The following GRM7 variants were observed in gnomAD, a reference collection of about 807,000 sequenced individuals.
GRM7 encodes metabotropic glutamate receptor 7.
GRM7 carries 35 observed loss-of-function variants against 84.5 expected under a neutral mutation model. The observed-to-expected ratio is 0.41, with a 90% CI of 0.32 to 0.55. GRM7 has a LOEUF of 0.55. GRM7 is among the 20% of genes least tolerant of loss of function. The pLI, the probability that GRM7 is intolerant of heterozygous loss-of-function variation, is 0.19. For synonymous variants in GRM7, 487 were observed against 455.1 expected (o/e 1.07, Z -0.89); for missense variants, 1,003 against 1,194.6 (o/e 0.84, Z 2.36).
At chr3:6,895,208 C>G (rs570240926) in intron 1 of GRM7, among the ~76,000 whole-genome samples, 1 of 152,238 alleles carries the variant, frequency 6.6e-6, no homozygotes, top group African/African-American at 2.4e-5. Context: ...CCAAAGATTT[C>G]TATACCTTAT....
At chr3:6,964,457 TC>T (rs1693432165) in intron 1 of GRM7, among the ~76,000 whole-genome samples, 1 of 152,124 alleles carries the variant, frequency 6.6e-6, no homozygotes, top group Non-Finnish European at 1.5e-5. Context: ...GTCCGTAACA[TC>T]CCTCCTCTTC....
At position 7,373,036 on chromosome 3, in the gene GRM7, T is replaced by G. The variant is rs530172061; in HGVS notation, c.1034-41987T>G. 3.3e-5 allele frequency among the ~76,000 whole-genome samples: 5 copies of G among 152,302 alleles called. No homozygotes were observed. In the East Asian group the frequency reaches 9.7e-4, roughly 29 times the overall value. On this transcript the variant is annotated intron_variant, in intron 4 of 9. Coordinates refer to ENST00000357716, the MANE Select transcript of GRM7 (RefSeq NM_000844.4). ...CAGCATATTTGAAATCTTTTTGAAA[T>G]GTGGAATTATGATCCACTTATTGAA...
intron 7 of GRM7, among the ~76,000 whole-genome samples, chr3:7,490,598 AG>A (rs35216562): frequency 0.032 from 4,879 of 152,270 alleles, 109 homozygotes; most frequent in Non-Finnish European, 0.045. Context: ...GTATCCCCTT[AG>A]TGCCCCTCGA....
At chr3:7,492,584 G>A (rs1036470996) in intron 7 of GRM7, among the ~76,000 whole-genome samples, 1 of 151,956 alleles carries the variant, frequency 6.6e-6, no homozygotes, top group Non-Finnish European at 1.5e-5. Flanking sequence ...TGGTGATTTG[G>A]TATGTCTTTT....
intron 7 of GRM7, among the ~76,000 whole-genome samples, chr3:7,535,616 A>G (rs923952394): frequency 2.0e-5 from 3 of 152,214 alleles, no homozygotes; most frequent in Non-Finnish European, 2.9e-5. Flanking sequence ...CATATGCTCT[A>G]ATTTCCTTCC....
intron 4 of GRM7, among the ~76,000 whole-genome samples, chr3:7,409,639 C>T (rs1053378668): frequency 2.0e-5 from 3 of 151,994 alleles, no homozygotes; most frequent in African/African-American, 4.8e-5. Context: ...CCCGCTCTGT[C>T]GCCCAGGCTG....
At position 7,606,365 on chromosome 3, in the gene GRM7, T is replaced by G. The variant is rs530725187; in HGVS notation, c.2451+27008T>G. Among the ~76,000 whole-genome samples the G allele has an allele frequency of 1.5e-3, 229 of 152,300 alleles. 3 individuals are homozygous for G. The highest frequency in any genetic ancestry group is 0.014 in the Middle Eastern group (4 of 294). ...ACAGATGTCCTGAAAGCCTTATGGT[T>G]TTTTATACATTAAAAATCTGATTAG... On this transcript the variant is annotated intron_variant, in intron 8 of 9. Coordinates refer to ENST00000357716, the MANE Select transcript of GRM7 (RefSeq NM_000844.4).
At chr3:6,954,490 G>T (rs1692940429) in intron 1 of GRM7, among the ~76,000 whole-genome samples, 1 of 152,022 alleles carries the variant, frequency 6.6e-6, no homozygotes. Context: ...CTAAAATAAG[G>T]TCTGAACACC....
chr3:6,879,844 G>T (rs1695443503), intron 1 of GRM7, among the ~76,000 whole-genome samples: 1 of 152,140 alleles, frequency 6.6e-6, no homozygotes. Context: ...TTGTTTTTAT[G>T]TTAATTCAGC....
intron 1 of GRM7, among the ~76,000 whole-genome samples, chr3:7,065,040 G>GT (rs1024359637): frequency 1.3e-5 from 2 of 151,628 alleles, no homozygotes; most frequent in East Asian, 1.9e-4. Context: ...GGGATTGTTT[G>GT]TTTTTTTCTT....
chr3:6,956,815 A>C (rs935125151), intron 1 of GRM7, among the ~76,000 whole-genome samples: 3 of 152,208 alleles, frequency 2.0e-5, no homozygotes, highest in Non-Finnish European at 4.4e-5. Context: ...TACAATTTGA[A>C]GGGAGAGGCT....
intron 7 of GRM7, among the ~76,000 whole-genome samples, chr3:7,475,346 T>C (rs935543902): frequency 3.3e-5 from 5 of 152,224 alleles, no homozygotes; most frequent in African/African-American, 7.2e-5. Context: ...TGGGTATGCA[T>C]TGGAAAGGTA....
intron 2 of GRM7, among the ~76,000 whole-genome samples, chr3:7,279,629 C>T (rs548780644): frequency 6.6e-6 from 1 of 152,160 alleles, no homozygotes; most frequent in Non-Finnish European, 1.5e-5. Context: ...AGAGGCAAGA[C>T]ACCAAACAGC....
chr3:7,729,469 C>T (rs1048799948), intron 9 of GRM7, among the ~76,000 whole-genome samples: 4 of 152,262 alleles, frequency 2.6e-5, no homozygotes, highest in Middle Eastern at 3.4e-3. Context: ...GTGTTAGAGA[C>T]GCTTTTTACA....
At chr3:7,127,885 A>G (rs1051185069) in intron 1 of GRM7, among the ~76,000 whole-genome samples, 1 of 152,124 alleles carries the variant, frequency 6.6e-6, no homozygotes, top group African/African-American at 2.4e-5. Flanking sequence ...AAGCTTTTTA[A>G]TATGCTTAAT....
At chr3:7,625,630 T>C (rs1178322402) in intron 8 of GRM7, among the ~76,000 whole-genome samples, 1 of 152,100 alleles carries the variant, frequency 6.6e-6, no homozygotes, top group African/African-American at 2.4e-5. Flanking sequence ...GATGGTGCTA[T>C]TGCATTCCAG....
At chr3:7,324,738 A>G (rs1700918536) in intron 4 of GRM7, among the ~76,000 whole-genome samples, 1 of 151,854 alleles carries the variant, frequency 6.6e-6, no homozygotes. Context: ...CTTTTTTTTC[A>G]AGTTCCCGGG....
chr3:6,938,805 G>C (rs1697783857), intron 1 of GRM7, among the ~76,000 whole-genome samples: 1 of 152,212 alleles, frequency 6.6e-6, no homozygotes, highest in Non-Finnish European at 1.5e-5. Context: ...AATGGAGGTA[G>C]ACAGGTAGAA....
At chr3:7,117,003 C>T (rs186257859) in intron 1 of GRM7, among the ~76,000 whole-genome samples, 1 of 152,192 alleles carries the variant, frequency 6.6e-6, no homozygotes, top group Admixed American at 6.5e-5. Context: ...TGATTTTGTG[C>T]TTTAAAGGTG....
Sources: allele counts gnomAD v4.1 joint callset (sites outside exome capture counted in the v4.1 genomes callset), GRCh38; gene constraint gnomAD v4.1.1; transcripts MANE v1.5; gene names NCBI Gene and HGNC (gene_info 2026-07-23, HGNC 2026-07-21).